Variants in INTU observed in about 807,000 individuals in gnomAD.
INTU encodes the protein inturned planar cell polarity protein, also known as protein inturned.
A neutral mutation model predicts 100.5 loss-of-function variants in INTU; 68 were observed. The observed-to-expected ratio is 0.68, with a 90% CI of 0.56 to 0.83. The LOEUF (loss-of-function observed/expected upper bound fraction) is 0.83, where lower values mean the gene tolerates loss of function less well. Among genes scored for constraint, INTU ranks in the 40% least tolerant of loss-of-function variants. The pLI is 0.00. For missense variants in INTU, 1,071 were observed against 1,114.7 expected, an observed-to-expected ratio of 0.96 and a Z score of 0.56; for synonymous variants, 357 against 395.7, an observed-to-expected ratio of 0.90 and a Z score of 1.16.
At chr4:127,653,399 C>T (rs1225430794) in intron 2 of INTU, among the ~76,000 whole-genome samples, 2 of 143,246 alleles carry the variant, frequency 1.4e-5, no homozygotes, top group African/African-American at 2.6e-5. Flanking sequence ...TTGAATGCGT[C>T]CCAGAGATTC....
chr4:127,666,095 CTGT>C (rs1728685649), intron 4 of INTU, among the ~76,000 whole-genome samples: 1 of 152,164 alleles, frequency 6.6e-6, no homozygotes, highest in South Asian at 2.1e-4. Flanking sequence ...TGTGCCCAAA[CTGT>C]TGTTTAATCT....
At chr4:127,714,932 A>G (rs1357161810) in intron 15 of INTU, among the ~76,000 whole-genome samples, 1 of 152,182 alleles carries the variant, frequency 6.6e-6, no homozygotes, top group Non-Finnish European at 1.5e-5. Context: ...TGGCAAACAC[A>G]GAGACATAGT....
At chr4:127,652,254 A>G (rs1296310372) in intron 2 of INTU, among the ~76,000 whole-genome samples, 6 of 144,018 alleles carry the variant, frequency 4.2e-5, no homozygotes, top group South Asian at 4.5e-4. Flanking sequence ...TTCCAACACT[A>G]TGTTGAATAG....
chr4:127,680,920 C>A (rs1560858349), intron 6 of INTU, among the ~76,000 whole-genome samples: 2 of 152,008 alleles, frequency 1.3e-5, no homozygotes, highest in Non-Finnish European at 2.9e-5. Flanking sequence ...GATACAAAAT[C>A]AATGTACAAA....
chr4:127,716,379 A>G lies in INTU; in HGVS notation c.2772A>G (p.Ser924=). ...AACTTTATGTCTGTTTTCATGACTC[A>G]GTCACAGAAATTGCCATTGAAATAG... ...PQELYVCFHD[S]VTEIAIEIAF... The change falls in exon 16 of 16, where the codon TCA becomes TCG. Residue 924 remains serine (S), a synonymous_variant. Transcript: ENST00000335251. 6.3e-7 allele frequency: 1 copy of G among 1,591,904 alleles called. No individual in the cohort carries two copies. The highest frequency in any genetic ancestry group is 1.1e-5 in the South Asian group (1 of 87,102).
chr4:127,654,473 T>C (rs1298253192), intron 2 of INTU, among the ~76,000 whole-genome samples: 66 of 152,244 alleles, frequency 4.3e-4, no homozygotes, highest in African/African-American at 1.2e-3. Context: ...ATTTCTCCTT[T>C]GCTTATGAAG....
At position 127,643,542 on chromosome 4, in the gene INTU, G is replaced by T; in HGVS notation, c.168G>T (p.Leu56=). Residue 56 remains leucine (L), a synonymous_variant, in exon 2 of 16, where the codon CTG becomes CTT. Coordinates refer to ENST00000335251, the MANE Select transcript of INTU (RefSeq NM_015693.4). ...ATAGTGATCTTGAGCCTGAATGGCT[G>T]GACAGTGTGCAGAAAAATGGAGAGC... is the stretch of plus-strand genomic sequence containing the variant. ...SDYDDLEPEW[L]DSVQKNGELF... 6.2e-7 allele frequency: 1 copy of T among 1,602,540 alleles called. No individual in the cohort carries two copies. The highest frequency in any genetic ancestry group is 1.1e-5 in the South Asian group (1 of 89,354).
At chr4:127,653,725 A>T (rs1728026564) in intron 2 of INTU, among the ~76,000 whole-genome samples, 2 of 150,536 alleles carry the variant, frequency 1.3e-5, no homozygotes, top group Admixed American at 1.3e-4. Flanking sequence ...AGTTCTGTAG[A>T]TGTCTATTAG....
chr4:127,715,062 A>G (rs1731221702), intron 15 of INTU, among the ~76,000 whole-genome samples: 2 of 152,288 alleles, frequency 1.3e-5, no homozygotes, highest in East Asian at 1.9e-4. Flanking sequence ...GTGTGTGTAT[A>G]CATATATGTA....
chr4:127,706,451 T>A (rs754763516), intron 11 of INTU, 36 bp from the exon 12 acceptor site: 1 of 1,528,198 alleles, frequency 6.5e-7, no homozygotes, highest in Non-Finnish European at 8.9e-7. Flanking sequence ...ATTTTCATGG[T>A]AGCTAAACCT....
Position 127,720,310 on chromosome 4 carries a change from T to C in INTU, c.*3874T>C, listed in dbSNP as rs1309114611. On this transcript the variant is annotated 3_prime_UTR_variant, in exon 16 of 16. Transcript: ENST00000335251. ...TGGTTTTGAGTGACTTTCTTACTCT[T>C]GAGTTCCAATTTGATTGCGCTGTGA... 6.6e-6 allele frequency: 1 copy of C among 152,210 alleles called. No homozygotes were observed. 9.4% of individuals were successfully genotyped at this position (152,210 alleles called of 1,614,324 possible).
intron 6 of INTU, among the ~76,000 whole-genome samples, chr4:127,676,879 T>C (rs1416504572): frequency 6.6e-6 from 1 of 151,842 alleles, no homozygotes; most frequent in East Asian, 1.9e-4. Context: ...ACCTGGAAAA[T>C]CGGGTCACTC....
At chr4:127,713,363 C>G (rs902776122) in intron 14 of INTU, among the ~76,000 whole-genome samples, 7 of 152,314 alleles carry the variant, frequency 4.6e-5, no homozygotes, top group African/African-American at 1.7e-4. Context: ...AGGATCACTC[C>G]ACTGTTTGCC....
At chr4:127,696,668 T>G (rs1306677465) in intron 8 of INTU, among the ~76,000 whole-genome samples, 1 of 152,120 alleles carries the variant, frequency 6.6e-6, no homozygotes, top group Non-Finnish European at 1.5e-5. Context: ...CTTTCCTATT[T>G]TCAGTGTCGT....
At position 127,716,421 on chromosome 4, in the gene INTU, T is replaced by G. The variant is rs2148741466; in HGVS notation, c.2814T>G (p.Phe938Leu). The G allele has an allele frequency of 6.4e-7, 1 of 1,566,844 alleles. No individual in the cohort carries two copies. The highest frequency in any genetic ancestry group is 8.7e-7 in the Non-Finnish European group (1 of 1,149,164). ...TTGAAATAGCTTTTAAATTGTTCTT[T>G]GGGTTAACCTTGTAGCTGTGCTTTC... is the stretch of plus-strand genomic sequence containing the variant. The part of the protein sequence containing the change: ...IAIEIAFKLF[F>L]GLTL The change falls in exon 16 of 16, where the codon TTT becomes TTG. Residue 938 changes from phenylalanine (F) to leucine (L), a missense_variant. Coordinates refer to ENST00000335251, the MANE Select transcript of INTU (RefSeq NM_015693.4).
rs534535005 is a variant in INTU at position 127,722,637 on chromosome 4, T to C, written c.*6201T>C. ...TATCAGCGTTTTGTCCATAAACCCC[T>C]GGCTGGGGATGCTGAGATTCCCACA... On this transcript the variant is annotated 3_prime_UTR_variant, in exon 16 of 16. Transcript: ENST00000335251. 2.0e-5 allele frequency: 3 copies of C among 152,470 alleles called. No individual in the cohort carries two copies. The East Asian group carries it at 5.8e-4, about 29-fold the overall frequency. 9.4% of individuals were successfully genotyped at this position (152,470 alleles called of 1,614,324 possible).
At chr4:127,678,881 G>A (rs1729369063) in intron 6 of INTU, among the ~76,000 whole-genome samples, 1 of 151,730 alleles carries the variant, frequency 6.6e-6, no homozygotes, top group Non-Finnish European at 1.5e-5. Flanking sequence ...GACACACATA[G>A]GCTCAAAATA....
At chr4:127,714,123 A>C (rs1560622771) in intron 15 of INTU, 30 bp downstream of exon 15, 1 of 1,574,378 alleles carries the variant, frequency 6.4e-7, no homozygotes, top group Admixed American at 1.9e-5. Flanking sequence ...ATTTGAAAGT[A>C]AAGTGTTAGA....
Position 127,706,825 on chromosome 4 carries a change from T to A in INTU, c.2127T>A (p.Pro709=). Residue 709 remains proline (P), a synonymous_variant, in exon 12 of 16, where the codon CCT becomes CCA. Coordinates refer to ENST00000335251, the MANE Select transcript of INTU (RefSeq NM_015693.4). ...CCTTAAAGACACGCAAGCCTAGTCCTTCCTGTAGTAGTGGAGGATCTGACA... is the reference window on the plus strand; with the variant it reads ...CCTTAAAGACACGCAAGCCTAGTCCATCCTGTAGTAGTGGAGGATCTGACA... ...DYSLKTRKPS[P]SCSSGGSDNG... 3 of 1,614,136 alleles carry A rather than the reference T, an allele frequency of 1.9e-6. No individual in the cohort carries two copies. Among genetic ancestry groups the A allele is most frequent in the Non-Finnish European group, 2.5e-6 (3 of 1,180,002 alleles).
Sources: allele counts gnomAD v4.1 joint callset (sites outside exome capture counted in the v4.1 genomes callset), GRCh38; gene constraint gnomAD v4.1.1; transcripts MANE v1.5; gene names NCBI Gene and HGNC (gene_info 2026-07-23, HGNC 2026-07-21).